The following CEMIP variants were observed in gnomAD, a reference collection of about 807,000 sequenced individuals.
The protein encoded by CEMIP is cell migration-inducing and hyaluronan-binding protein.
Under a neutral mutation model 156.9 loss-of-function variants are expected in CEMIP, and 105 were observed. The observed-to-expected ratio is 0.67, with a 90% CI of 0.57 to 0.79. CEMIP has a LOEUF of 0.79. Ranked by LOEUF, CEMIP falls within the 30% of genes least tolerant of loss-of-function variation. CEMIP has a pLI of 0.00. For missense variants in CEMIP, 1,457 were observed against 1,769.4 expected, an observed-to-expected ratio of 0.82 and a Z score of 3.17; for synonymous variants, 676 against 668.4, an observed-to-expected ratio of 1.01 and a Z score of -0.17.
At position 80,790,376 on chromosome 15, in the gene CEMIP, G is replaced by A. The variant is rs76638976; in HGVS notation, c.-176+10762G>A. On this transcript the variant is annotated intron_variant, in intron 1 of 29. Transcript: ENST00000394685. ...CCTGACTAAAGTCAATTTCTCAGAG[G>A]TCTGTACTCCTGTGGCTTTATGGTT... Among the ~76,000 whole-genome samples, 398 of 152,264 alleles carry A rather than the reference G, an allele frequency of 2.6e-3. 2 individuals are homozygous for A. The highest frequency in any genetic ancestry group is 9.2e-3 in the African/African-American group (384 of 41,534).
At chr15:80,810,803 A>ACCATCCAT (rs59025609) in intron 1 of CEMIP, among the ~76,000 whole-genome samples, 1 of 149,298 alleles carries the variant, frequency 6.7e-6, no homozygotes, top group African/African-American at 2.5e-5. Flanking sequence ...TATCCATTCA[A>ACCATCCAT]CCATCCATCC....
chr15:80,890,092 T>G (rs1339526398), intron 10 of CEMIP, among the ~76,000 whole-genome samples: 1 of 152,238 alleles, frequency 6.6e-6, no homozygotes, highest in Non-Finnish European at 1.5e-5. Flanking sequence ...GGGACCTTGA[T>G]GTTCTCAGTT....
At chr15:80,793,164 G>C (rs1896125680) in intron 1 of CEMIP, among the ~76,000 whole-genome samples, 1 of 152,156 alleles carries the variant, frequency 6.6e-6, no homozygotes. Flanking sequence ...GCAGCAGGTT[G>C]GTGCAATAGT....
chr15:80,897,698 A>G (rs8029184), intron 12 of CEMIP, among the ~76,000 whole-genome samples: 12,951 of 152,254 alleles, frequency 0.085, 711 homozygotes, highest in African/African-American at 0.15. Context: ...GTATCTTACC[A>G]TAAACACAAG....
In CEMIP at chr15:80,832,324, G is replaced by C. The variant is rs75940146; in HGVS notation, c.-175-41214G>C. Among the ~76,000 whole-genome samples, 37 of 76,854 alleles carry C rather than the reference G, an allele frequency of 4.8e-4. 1 individual carries two copies. Among genetic ancestry groups the C allele is most frequent in the Middle Eastern group, 6.6e-3 (1 of 152 alleles). 50.4% of individuals were successfully genotyped at this position (76,854 alleles called of 152,430 possible). On this transcript the variant is annotated intron_variant, in intron 1 of 29. Coordinates refer to ENST00000394685, the MANE Select transcript of CEMIP (RefSeq NM_001293298.2). The stretch of plus-strand genomic sequence containing the variant: ...GGAGCTTTGGTTTAAAATAAACTCT[G>C]TGTGTGTGTGTGTGTGTGTGTGTGT...
intron 1 of CEMIP, among the ~76,000 whole-genome samples, chr15:80,867,849 G>A (rs543649909): frequency 6.6e-6 from 1 of 152,326 alleles, no homozygotes; most frequent in African/African-American, 2.4e-5. Context: ...AGGAACAAGT[G>A]GCAGATGGAG....
chr15:80,897,685 A>G (rs1003240685), intron 12 of CEMIP, among the ~76,000 whole-genome samples: 5 of 152,236 alleles, frequency 3.3e-5, no homozygotes, highest in Admixed American at 6.5e-5. Flanking sequence ...AAAAGGTTTC[A>G]GGGTATCTTA....
chr15:80,931,015 G>C (rs1900893864), intron 21 of CEMIP, among the ~76,000 whole-genome samples: 4 of 152,138 alleles, frequency 2.6e-5, no homozygotes, highest in Admixed American at 2.6e-4. Context: ...CTCTGCTCAG[G>C]AGTCTGAGGC....
chr15:80,833,817 C>A (rs1897211258), intron 1 of CEMIP, among the ~76,000 whole-genome samples: 1 of 151,848 alleles, frequency 6.6e-6, no homozygotes, highest in South Asian at 2.1e-4. Flanking sequence ...TACAGGCTTG[C>A]ATCACCACAC....
At chr15:80,890,255 T>C (rs1239320523) in intron 10 of CEMIP, among the ~76,000 whole-genome samples, 4 of 152,028 alleles carry the variant, frequency 2.6e-5, no homozygotes, top group Non-Finnish European at 4.4e-5. Flanking sequence ...AGACAAGATT[T>C]GAGGCTGCTT....
At chr15:80,790,365 A>G (rs1896049858) in intron 1 of CEMIP, among the ~76,000 whole-genome samples, 1 of 152,192 alleles carries the variant, frequency 6.6e-6, no homozygotes, top group Admixed American at 6.5e-5. Context: ...ACTAAAGTCA[A>G]TTTCTCAGAG....
chr15:80,852,396 G>T (rs530827354), intron 1 of CEMIP, among the ~76,000 whole-genome samples: 12 of 148,756 alleles, frequency 8.1e-5, no homozygotes, highest in Non-Finnish European at 1.5e-4. Flanking sequence ...GTGTGTGTGT[G>T]TTTTTTTTTT....
intron 14 of CEMIP, chr15:80,909,763 A>G (rs1298834306): frequency 2.6e-6 from 1 of 386,368 alleles, no homozygotes; most frequent in Non-Finnish European, 5.2e-6. Flanking sequence ...CTGCTGGGAG[A>G]AATACTCTCA....
At chr15:80,938,301 TGCTTGGA>T (rs1197984318) in intron 25 of CEMIP, 1 of 340,176 alleles carries the variant, frequency 2.9e-6, no homozygotes, top group Non-Finnish European at 5.7e-6. Context: ...CACAACAACC[TGCTTGGA>T]GCAGAGGATT....
At chr15:80,882,918 G>T (rs1898712940) in intron 6 of CEMIP, among the ~76,000 whole-genome samples, 1 of 152,160 alleles carries the variant, frequency 6.6e-6, no homozygotes, top group Non-Finnish European at 1.5e-5. Flanking sequence ...ATGAAGACAG[G>T]AGTGGGCGGG....
intron 25 of CEMIP, among the ~76,000 whole-genome samples, 178 bp from the exon 26 acceptor site, chr15:80,941,671 T>C (rs759161550): frequency 2.6e-5 from 4 of 152,194 alleles, no homozygotes; most frequent in Non-Finnish European, 5.9e-5. Flanking sequence ...TTTTCTTCAA[T>C]GCATTTGTTC....
rs1468153522 is a variant in CEMIP at position 80,879,727 on chromosome 15, A to G, written c.253A>G (p.Ile85Val). ...IHISEGGKLV[I>V]KDHDEPIVLR... ...TGCTACCTCTTCAGGCAAGCTGGTC[A>G]TTAAAGACCACGACGAGCCGATTGT... Residue 85 changes from isoleucine (I) to valine (V), a missense_variant, in exon 5 of 30, where the codon ATT (isoleucine) becomes GTT (valine). Physicochemically the swap from Ile to Val is conservative, Grantham distance 29. Around this residue, in one of 5 missense-constraint regions of CEMIP, gnomAD observed 309 missense variants for 340.8 expected, o/e 0.91. Coordinates refer to ENST00000394685, the MANE Select transcript of CEMIP (RefSeq NM_001293298.2). 1.2e-6 allele frequency: 2 copies of G among 1,614,214 alleles called. No individual in the cohort carries two copies. Among genetic ancestry groups the G allele is most frequent in the Admixed American group, 3.3e-5 (2 of 60,032 alleles).
At chr15:80,874,308 G>C (rs1218068333) in intron 3 of CEMIP, among the ~76,000 whole-genome samples, 3 of 152,226 alleles carry the variant, frequency 2.0e-5, no homozygotes, top group Admixed American at 1.3e-4. Flanking sequence ...GGGAAACACT[G>C]TTCTCACTTC....
chr15:80,839,322 G>GTGTA (rs1305926830), intron 1 of CEMIP, among the ~76,000 whole-genome samples: 16 of 151,154 alleles, frequency 1.1e-4, no homozygotes, highest in Non-Finnish European at 2.1e-4. Context: ...GTGTGTGTGT[G>GTGTA]TGTGTGTGTT....
Sources: gnomAD v4.1 joint callset for allele counts (sites outside exome capture counted in the v4.1 genomes callset) on GRCh38, gnomAD v4.1.1 for gene constraint, gnomAD v4.1.1 regional missense constraint, MANE v1.5 for transcripts, NCBI Gene and HGNC (gene_info 2026-07-23, HGNC 2026-07-21) for gene names.